Variants in ATAD2B observed in about 807,000 individuals in gnomAD.
ATAD2B encodes the protein ATPase family AAA domain containing 2B.
A neutral mutation model predicts 167.6 loss-of-function variants in ATAD2B; 40 were observed. The observed-to-expected ratio is 0.24, with a 90% CI of 0.19 to 0.31. The LOEUF is 0.31. Ranked by LOEUF, ATAD2B falls within the 10% of genes least tolerant of loss-of-function variation. The pLI, the probability that ATAD2B is intolerant of heterozygous loss-of-function variation, is 1.00. For synonymous variants in ATAD2B, 579 were observed against 596.5 expected (o/e 0.97, Z 0.43); for missense variants, 1,242 against 1,757.2 (o/e 0.71, Z 5.24).
At chr2:23,876,801 C>T (rs1696912103) in intron 7 of ATAD2B, among the ~76,000 whole-genome samples, 1 of 152,100 alleles carries the variant, frequency 6.6e-6, no homozygotes, top group Admixed American at 6.6e-5. Context: ...GGTGCAATGG[C>T]TCACACCTGT....
chr2:23,841,286 T>C (rs1173434179), intron 13 of ATAD2B, among the ~76,000 whole-genome samples: 4 of 152,070 alleles, frequency 2.6e-5, no homozygotes, highest in African/African-American at 7.2e-5. Flanking sequence ...CATTATAAGA[T>C]TTCCTTTTTA....
At chr2:23,904,545 T>TTC (rs1349987806) in intron 1 of ATAD2B, among the ~76,000 whole-genome samples, 1 of 150,408 alleles carries the variant, frequency 6.6e-6, no homozygotes, top group East Asian at 1.9e-4. Context: ...TCCTTTTTTT[T>TTC]TTTTTTTTTC....
intron 2 of ATAD2B, 21 bp downstream of exon 2, chr2:23,895,798 C>A (rs1314151692): frequency 6.4e-7 from 1 of 1,558,530 alleles, no homozygotes; most frequent in Non-Finnish European, 8.7e-7. Flanking sequence ...AAAAAACAAT[C>A]AATGAGTTCT....
intron 13 of ATAD2B, among the ~76,000 whole-genome samples, chr2:23,837,051 G>T (rs1199712376): frequency 6.6e-6 from 1 of 152,158 alleles, no homozygotes; most frequent in African/African-American, 2.4e-5. Flanking sequence ...CATTCATGGT[G>T]CCCAAGCTGT....
At chr2:23,909,769 A>T (rs565488540) in intron 1 of ATAD2B, among the ~76,000 whole-genome samples, 1 of 152,202 alleles carries the variant, frequency 6.6e-6, no homozygotes, top group African/African-American at 2.4e-5. Flanking sequence ...AAAACAAAGT[A>T]ATACTTATTT....
chr2:23,696,072 G>A, the ATAD2B span: 2 of 1,551,820 alleles, frequency 1.3e-6, no homozygotes, highest in Non-Finnish European at 1.7e-6. This position sits in a 1 kb window ranked among gnomAD's most constrained non-coding sequence, Gnocchi z 5.5. Flanking sequence ...TGGCCTCGCT[G>A]CCCTTCTATG....
At chr2:23,787,692 T>C (rs564091341) in intron 20 of ATAD2B, among the ~76,000 whole-genome samples, 65 of 152,114 alleles carry the variant, frequency 4.3e-4, no homozygotes, top group African/African-American at 1.3e-3. Flanking sequence ...GGGAAATGTA[T>C]TGAGTATCCT....
At chr2:23,832,974 G>A (rs990105850) in intron 14 of ATAD2B, among the ~76,000 whole-genome samples, 1 of 152,120 alleles carries the variant, frequency 6.6e-6, no homozygotes, top group Admixed American at 6.5e-5. Context: ...ATTCCTGAAG[G>A]CTGCACTTGG....
At chr2:23,919,000 T>C (rs1703482046) in intron 1 of ATAD2B, among the ~76,000 whole-genome samples, 1 of 152,184 alleles carries the variant, frequency 6.6e-6, no homozygotes. Context: ...AACCTTGGTT[T>C]ACTCTTCTCC....
At chr2:23,695,431 G>C in the ATAD2B span, among the ~76,000 whole-genome samples, 1 of 151,776 alleles carries the variant, frequency 6.6e-6, no homozygotes, top group African/African-American at 2.4e-5. This position sits in a 1 kb window ranked among gnomAD's most constrained non-coding sequence, Gnocchi z 7.6. Flanking sequence ...CTGCGCTCCC[G>C]GCCCTCCCCT....
At chr2:23,705,198 G>A in the ATAD2B span, among the ~76,000 whole-genome samples, 1,008 of 152,278 alleles carry the variant, frequency 6.6e-3, 4 homozygotes, top group Non-Finnish European at 0.01. Flanking sequence ...GAGACTAGAA[G>A]TAAATGGGAA....
chr2:23,698,748 G>A, the ATAD2B span, among the ~76,000 whole-genome samples: 18 of 152,098 alleles, frequency 1.2e-4, no homozygotes, highest in Non-Finnish European at 2.2e-4. Flanking sequence ...CGCCTCACTC[G>A]GCAGGGTCAT....
In ATAD2B at chr2:23,757,527, T is replaced by C; in HGVS notation, c.3969A>G (p.Glu1323=). ...QSKEKPETST[E]NHGDDLEKLE... is the part of the protein sequence containing the mutation. ...GTTTCTCAAGATCATCTCCATGATT[T>C]TCAGTCGAAGTTTCTGGTTTTTCTT... is the stretch of plus-strand genomic sequence containing the variant. The change falls in exon 25 of 28, where the codon GAA becomes GAG. Residue 1323 remains glutamate, a synonymous_variant. Transcript: ENST00000238789. The C allele has an allele frequency of 6.3e-7, 1 of 1,590,732 alleles. No homozygotes were observed. Among genetic ancestry groups the C allele is most frequent in the Non-Finnish European group, 8.5e-7 (1 of 1,171,760 alleles).
At chr2:23,882,546 T>C (rs1297935216) in intron 6 of ATAD2B, among the ~76,000 whole-genome samples, 7 of 146,202 alleles carry the variant, frequency 4.8e-5, no homozygotes, top group Non-Finnish European at 1.0e-4. Flanking sequence ...CAGTGGCTCA[T>C]GCCTATAATC....
At chr2:23,859,546 G>A (rs1019786463) in intron 12 of ATAD2B, among the ~76,000 whole-genome samples, 3 of 148,924 alleles carry the variant, frequency 2.0e-5, no homozygotes, top group African/African-American at 2.4e-5. Flanking sequence ...AAAGGTGAAT[G>A]CTCTGTCTGT....
chr2:23,808,131 TAA>T (rs1287354589), intron 18 of ATAD2B, among the ~76,000 whole-genome samples: 4 of 116,140 alleles, frequency 3.4e-5, no homozygotes, highest in African/African-American at 1.4e-4. Context: ...TTATTATATA[TAA>T]GTGATTACTT....
chr2:23,731,063 ACT>A, the ATAD2B span, among the ~76,000 whole-genome samples: 17,675 of 152,120 alleles, frequency 0.12, 1,089 homozygotes, highest in Middle Eastern at 0.2. Flanking sequence ...ATTTGAAAAG[ACT>A]CTGACAGGAC....
At position 23,926,632 on chromosome 2, in the gene ATAD2B, T is replaced by C; in HGVS notation, c.139A>G (p.Lys47Glu). ...HFISSRTRSS[K>E]TRAASCPAAK... Reference sequence around the variant, plus strand: ...GCGGGGCAGCTGGCGGCGCGGGTCTTGGAGGAGCGGGTCCGAGAGGAGATG... The same window carrying C: ...GCGGGGCAGCTGGCGGCGCGGGTCTCGGAGGAGCGGGTCCGAGAGGAGATG... The change falls in exon 1 of 28, where the codon AAG becomes GAG. Residue 47 changes from lysine (K) to glutamate (E), a missense_variant. Transcript: ENST00000238789. 5.8e-6 allele frequency: 9 copies of C among 1,564,254 alleles called. No homozygotes were observed. In the South Asian group the frequency reaches 9.4e-5, roughly 16 times the overall value.
chr2:23,906,606 A>C (rs1701533527), intron 1 of ATAD2B, among the ~76,000 whole-genome samples: 1 of 152,096 alleles, frequency 6.6e-6, no homozygotes, highest in Non-Finnish European at 1.5e-5. Context: ...TGGGGTGTTA[A>C]ACTCATTTTA....
Sources: allele counts gnomAD v4.1 joint callset (sites outside exome capture counted in the v4.1 genomes callset), GRCh38; gene constraint gnomAD v4.1.1; non-coding constraint Gnocchi (gnomAD v3.1); transcripts MANE v1.5; gene names NCBI Gene and HGNC (gene_info 2026-07-23, HGNC 2026-07-21).